Variants in PDE10A observed in about 807,000 individuals in gnomAD.
PDE10A encodes the protein phosphodiesterase 10A, also known as cAMP and cAMP-inhibited cGMP 3',5'-cyclic phosphodiesterase 10A.
A neutral mutation model predicts 97.7 loss-of-function variants in PDE10A; 39 were observed. The ratio of observed to expected loss-of-function variants is 0.40; its 90% confidence interval spans 0.31 to 0.52. PDE10A has a LOEUF of 0.52. PDE10A is among the 20% of genes least tolerant of loss of function. The probability of loss-of-function intolerance (pLI) is 0.56; values close to 1 mark genes in which losing one functional copy is unlikely to be tolerated. For synonymous variants in PDE10A, 371 were observed against 376.8 expected (o/e 0.98, Z 0.18); for missense variants, 731 against 1,047.8 (o/e 0.70, Z 4.17).
intron 3 of PDE10A, among the ~76,000 whole-genome samples, chr6:165,458,668 C>T (rs544493000): frequency 3.8e-4 from 57 of 151,284 alleles, no homozygotes; most frequent in African/African-American, 1.2e-3. Context: ...GACAGGCGCA[C>T]GCACACACAC....
intron 1 of PDE10A, among the ~76,000 whole-genome samples, chr6:165,865,278 A>G (rs1781011008): frequency 6.6e-6 from 1 of 152,246 alleles, no homozygotes; most frequent in Non-Finnish European, 1.5e-5. Flanking sequence ...CCCACACTAC[A>G]GATACATCTG....
At chr6:165,910,534 T>C (rs1782425490) in intron 1 of PDE10A, among the ~76,000 whole-genome samples, 1 of 152,216 alleles carries the variant, frequency 6.6e-6, no homozygotes, top group Admixed American at 6.5e-5. Flanking sequence ...AAGTTTCTTT[T>C]AATAACATCT....
At chr6:165,896,040 C>T (rs1781935211) in intron 1 of PDE10A, among the ~76,000 whole-genome samples, 1 of 152,206 alleles carries the variant, frequency 6.6e-6, no homozygotes, top group African/African-American at 2.4e-5. Flanking sequence ...GGTAGAGACC[C>T]AGCTTCAACT....
chr6:165,873,609 TAAAA>T (rs1317786891), intron 1 of PDE10A, among the ~76,000 whole-genome samples: 3 of 152,194 alleles, frequency 2.0e-5, no homozygotes, highest in East Asian at 3.9e-4. Context: ...TTTCTTAACT[TAAAA>T]AAACTTATTT....
intron 18 of PDE10A, among the ~76,000 whole-genome samples, chr6:165,356,626 T>C (rs926123372): frequency 2.6e-5 from 4 of 152,286 alleles, no homozygotes; most frequent in Admixed American, 1.3e-4. Flanking sequence ...TTTTCTCCCA[T>C]GTTTTGTTTT....
intron 1 of PDE10A, among the ~76,000 whole-genome samples, chr6:165,564,923 T>C (rs1051775420): frequency 7.2e-5 from 11 of 152,332 alleles, no homozygotes; most frequent in Non-Finnish European, 1.3e-4. Flanking sequence ...AATAAAAATC[T>C]GCCCAAAATG....
intron 13 of PDE10A, among the ~76,000 whole-genome samples, chr6:165,408,659 A>G (rs771113321): frequency 5.3e-5 from 8 of 152,126 alleles, no homozygotes; most frequent in Non-Finnish European, 1.0e-4. Context: ...ATATCATTGT[A>G]AAGAAGACAT....
At position 165,435,289 on chromosome 6, in the gene PDE10A, GAGA is replaced by G; in HGVS notation, c.1280_1282del (p.Val427_Ser428delinsAla). 4 of 1,614,150 alleles carry G rather than the reference GAGA, an allele frequency of 2.5e-6. No individual in the cohort carries two copies. Among genetic ancestry groups the G allele is most frequent in the Non-Finnish European group, 3.4e-6 (4 of 1,179,986 alleles). The stretch of plus-strand genomic sequence containing the variant: ...TTTCCTGGACTTGGCCACATAAGCA[GAGA>G]CGGTGGTGCCCTGAGTGATGGGCCC... On this transcript the variant is annotated inframe_deletion, in exon 6 of 22. Coordinates refer to ENST00000539869, the MANE Select transcript of PDE10A (RefSeq NM_001385079.1).
intron 1 of PDE10A, among the ~76,000 whole-genome samples, chr6:165,840,040 C>G (rs375651782): frequency 2.0e-5 from 1 of 49,540 alleles, no homozygotes. Flanking sequence ...ATTCCCATCT[C>G]CATCTCCATG....
chr6:165,779,516 T>G (rs377353865), intron 1 of PDE10A, among the ~76,000 whole-genome samples: 157 of 152,366 alleles, frequency 1.0e-3, no homozygotes, highest in African/African-American at 3.5e-3. Context: ...GCGGCCGTAC[T>G]CTGCTGCAAT....
At chr6:165,864,824 T>A (rs1322290041) in intron 1 of PDE10A, among the ~76,000 whole-genome samples, 1 of 152,060 alleles carries the variant, frequency 6.6e-6, no homozygotes, top group African/African-American at 2.4e-5. Flanking sequence ...AAACATCAAA[T>A]GAAGAATTTC....
Position 165,720,379 on chromosome 6 carries a change from GC to G in PDE10A, c.-614-176812del, listed in dbSNP as rs537027397. Reference sequence around the variant, plus strand: ...ATGTACAAATTAGGGAAAGGCAGAAGCAACCCCAGGCCAGCAGAGGTTTTGC... The same window carrying G: ...ATGTACAAATTAGGGAAAGGCAGAAGAACCCCAGGCCAGCAGAGGTTTTGC... On this transcript the variant is annotated intron_variant, in intron 1 of 19. Coordinates refer to the PDE10A transcript ENST00000366882. 1.2e-4 allele frequency among the ~76,000 whole-genome samples: 19 copies of G among 152,282 alleles called. No homozygotes were observed. The South Asian group carries it at 3.3e-3, about 27-fold the overall frequency.
chr6:165,557,216 C>A (rs909723092), intron 1 of PDE10A, among the ~76,000 whole-genome samples: 1 of 151,782 alleles, frequency 6.6e-6, no homozygotes, highest in Admixed American at 6.6e-5. Context: ...GATTAAAATA[C>A]GTTACAGAAG....
intron 1 of PDE10A, chr6:165,948,600 A>G (rs953407666): frequency 2.0e-5 from 3 of 152,296 alleles, no homozygotes; most frequent in African/African-American, 4.8e-5. Flanking sequence ...AAGTTCCCGA[A>G]TACTCCTGCT....
chr6:165,892,021 C>T (rs775500994), intron 1 of PDE10A, among the ~76,000 whole-genome samples: 11 of 151,716 alleles, frequency 7.3e-5, no homozygotes, highest in African/African-American at 2.7e-4. Context: ...TAGTAAAACT[C>T]GATTCTCCCC....
At chr6:165,695,174 T>C (rs1375199397) in intron 1 of PDE10A, among the ~76,000 whole-genome samples, 2 of 148,422 alleles carry the variant, frequency 1.3e-5, no homozygotes, top group African/African-American at 5.0e-5. Context: ...AGGAGCTCCT[T>C]GAAGTTGCTC....
At chr6:165,962,950 G>A (rs796190276) in intron 1 of PDE10A, among the ~76,000 whole-genome samples, 46 of 152,336 alleles carry the variant, frequency 3.0e-4, no homozygotes, top group African/African-American at 1.1e-3. Flanking sequence ...AACGTATGAA[G>A]CAAGCATGCA....
Position 165,661,844 on chromosome 6 carries a change from C to A in PDE10A, c.865+103G>T, listed in dbSNP as rs532325693. The A allele has an allele frequency of 6.4e-6, 4 of 625,998 alleles. No individual in the cohort carries two copies. Among genetic ancestry groups the A allele is most frequent in the Non-Finnish European group, 1.2e-5 (4 of 344,724 alleles). The allele number at this position is 625,998 out of a possible 1,614,324, so 38.8% of individuals were successfully genotyped here. ...GCGCTCCACGCCCGGGCACGGGCACCTCGCTCGACACCCGCTTCCCACCCA... is the reference window on the plus strand; with the variant it reads ...GCGCTCCACGCCCGGGCACGGGCACATCGCTCGACACCCGCTTCCCACCCA... On this transcript the variant is annotated intron_variant, in intron 1 of 21. Coordinates refer to ENST00000539869, the MANE Select transcript of PDE10A (RefSeq NM_001385079.1). This position sits in a 1 kb window ranked among gnomAD's most constrained non-coding sequence, Gnocchi z 4.8.
chr6:165,751,230 T>G (rs1448616976), intron 1 of PDE10A, among the ~76,000 whole-genome samples: 3 of 152,158 alleles, frequency 2.0e-5, no homozygotes, highest in Non-Finnish European at 4.4e-5. Flanking sequence ...CAGTTATACT[T>G]TGGCCCTTGG....
Sources: allele counts gnomAD v4.1 joint callset (sites outside exome capture counted in the v4.1 genomes callset), GRCh38; gene constraint gnomAD v4.1.1; non-coding constraint Gnocchi (gnomAD v3.1); transcripts MANE v1.5; gene names NCBI Gene and HGNC (gene_info 2026-07-23, HGNC 2026-07-21).